DAB1: variants seen among roughly 807,000 people sequenced by gnomAD.
The protein encoded by DAB1 is disabled homolog 1.
Under a neutral mutation model 64.6 loss-of-function variants are expected in DAB1, and 15 were observed. That is an observed-to-expected ratio of 0.23 (90% CI 0.16 to 0.36). The LOEUF is 0.36. Ranked by LOEUF, DAB1 falls within the 10% of genes least tolerant of loss-of-function variation. DAB1 has a pLI of 1.00. For missense variants in DAB1, 596 were observed against 706.7 expected (o/e 0.84, Z 1.78); for synonymous variants, 235 against 251.9 (o/e 0.93, Z 0.64).
chr1:57,340,974 T>C (rs1300211640), intron 1 of DAB1, among the ~76,000 whole-genome samples: 1 of 152,188 alleles, frequency 6.6e-6, no homozygotes, highest in Non-Finnish European at 1.5e-5. Context: ...CTAATTTATT[T>C]GCCCAAGAAG....
At chr1:58,102,280 A>C (rs1460065768) in intron 5 of DAB1, among the ~76,000 whole-genome samples, 1 of 152,176 alleles carries the variant, frequency 6.6e-6, no homozygotes. Context: ...AATAGGACCT[A>C]GGAAAAGGTA....
At chr1:57,397,217 C>T (rs543339866) in intron 1 of DAB1, among the ~76,000 whole-genome samples, 50 of 152,188 alleles carry the variant, frequency 3.3e-4, no homozygotes, top group African/African-American at 1.2e-3. Context: ...CCAAAACCTG[C>T]CTCCTCTAAC....
intron 4 of DAB1, among the ~76,000 whole-genome samples, chr1:58,234,395 A>G (rs540360885): frequency 4.9e-4 from 75 of 152,372 alleles, no homozygotes; most frequent in Middle Eastern, 3.4e-3. Context: ...CAGGATGCTC[A>G]GAGGCAGAGC....
chr1:58,226,887 T>C (rs963629018), intron 4 of DAB1, among the ~76,000 whole-genome samples: 1 of 152,200 alleles, frequency 6.6e-6, no homozygotes, highest in Non-Finnish European at 1.5e-5. Flanking sequence ...TGGCACAGTG[T>C]CCACCAATGT....
chr1:58,275,859 A>C (rs1258984121), intron 4 of DAB1, among the ~76,000 whole-genome samples: 1 of 152,234 alleles, frequency 6.6e-6, no homozygotes, highest in East Asian at 1.9e-4. Flanking sequence ...AGTCTCAAAG[A>C]GATATTTGTA....
chr1:58,250,745 C>CT (rs1660773392), intron 4 of DAB1, among the ~76,000 whole-genome samples: 1 of 152,226 alleles, frequency 6.6e-6, no homozygotes, highest in African/African-American at 2.4e-5. Context: ...ATTCTGCAGT[C>CT]TTCAGTTTGC....
intron 1 of DAB1, among the ~76,000 whole-genome samples, chr1:57,373,952 T>C (rs1680699921): frequency 6.6e-6 from 1 of 152,206 alleles, no homozygotes; most frequent in South Asian, 2.1e-4. Context: ...CCAGGAAGCA[T>C]ATCCCAAAGG....
chr1:58,257,097 C>T (rs1448989469), intron 4 of DAB1, among the ~76,000 whole-genome samples: 1 of 152,176 alleles, frequency 6.6e-6, no homozygotes, highest in Admixed American at 6.5e-5. Flanking sequence ...ATGGGTTGTT[C>T]CATTTAACCC....
intron 4 of DAB1, among the ~76,000 whole-genome samples, chr1:58,300,659 AG>A (rs1662145971): frequency 9.6e-6 from 1 of 103,796 alleles, no homozygotes; most frequent in Non-Finnish European, 1.9e-5. Flanking sequence ...GAAGGAAGGA[AG>A]GAAGGAAGGA....
chr1:57,147,970 G>A (rs976983974), intron 2 of DAB1, among the ~76,000 whole-genome samples: 6 of 152,080 alleles, frequency 3.9e-5, no homozygotes, highest in South Asian at 2.1e-4. Context: ...AAGCCTGTTC[G>A]CCTAACCACC....
At chr1:58,504,651 T>G (rs1200726784) in intron 3 of DAB1, among the ~76,000 whole-genome samples, 1 of 152,208 alleles carries the variant, frequency 6.6e-6, no homozygotes, top group East Asian at 1.9e-4. Flanking sequence ...GAACACAGAA[T>G]AGTAGATTAA....
intron 6 of DAB1, among the ~76,000 whole-genome samples, chr1:57,751,778 C>G (rs887097445): frequency 6.6e-6 from 1 of 152,014 alleles, no homozygotes; most frequent in African/African-American, 2.4e-5. Context: ...AGGGTTCCCT[C>G]CTCAACCACC....
chr1:57,659,978 A>AAAATAAAT (rs55782137), intron 6 of DAB1, among the ~76,000 whole-genome samples: 14,314 of 138,536 alleles, frequency 0.1, 899 homozygotes, highest in African/African-American at 0.17. Context: ...CTCTCTCTCA[A>AAAATAAAT]AAATAAATAA....
chr1:58,272,650 G>A (rs896019520), intron 4 of DAB1, among the ~76,000 whole-genome samples: 35 of 144,066 alleles, frequency 2.4e-4, no homozygotes, highest in African/African-American at 4.6e-4. Flanking sequence ...TTATTAATGC[G>A]TGGGAGTCTA....
At chr1:58,354,513 G>A (rs2093865) in intron 3 of DAB1, among the ~76,000 whole-genome samples, 76,650 of 152,020 alleles carry the variant, frequency 0.5, 19,318 homozygotes, top group East Asian at 0.59. Flanking sequence ...AATAGAAATT[G>A]TAATGAAACA....
rs569604841 is a variant in DAB1, at chr1:57,128,191, A to C, written c.306+8352T>G. ...AATAAATAAATAAATAAATAAATAA[A>C]TAATACAATTCTTTAGAGATGAATA... On this transcript the variant is annotated intron_variant, in intron 4 of 14. Coordinates refer to ENST00000371236, the MANE Select transcript of DAB1 (RefSeq NM_001365792.1). Among the ~76,000 whole-genome samples, 78 of 145,850 alleles carry C rather than the reference A, an allele frequency of 5.3e-4. 1 individual carries two copies. Among genetic ancestry groups the C allele is most frequent in the African/African-American group, 1.8e-3 (68 of 38,302 alleles).
chr1:57,405,098 C>T (rs1317027985), intron 1 of DAB1, among the ~76,000 whole-genome samples: 1 of 152,156 alleles, frequency 6.6e-6, no homozygotes, highest in Admixed American at 6.5e-5. Flanking sequence ...TAAAACTACG[C>T]ATTTGACTCA....
At chr1:57,276,359 A>G (rs929983936) in intron 2 of DAB1, among the ~76,000 whole-genome samples, 2 of 152,266 alleles carry the variant, frequency 1.3e-5, no homozygotes, top group African/African-American at 4.8e-5. Flanking sequence ...TGCTGTAATC[A>G]TTACTTCAAA....
At chr1:57,925,626 A>G (rs1644868208) in intron 5 of DAB1, among the ~76,000 whole-genome samples, 2 of 152,222 alleles carry the variant, frequency 1.3e-5, no homozygotes, top group African/African-American at 2.4e-5. Flanking sequence ...TCATAGTTAT[A>G]AAGAATATCC....
Sources: allele counts gnomAD v4.1 joint callset (sites outside exome capture counted in the v4.1 genomes callset), GRCh38; gene constraint gnomAD v4.1.1; transcripts MANE v1.5; gene names NCBI Gene and HGNC (gene_info 2026-07-23, HGNC 2026-07-21).